SERINC5: variants seen among roughly 807,000 people sequenced by gnomAD.
SERINC5 encodes serine incorporator 5.
SERINC5 carries 41 observed loss-of-function variants against 63.1 expected under a neutral mutation model. That is an observed-to-expected ratio of 0.65 (90% confidence interval 0.51 to 0.84). The LOEUF (loss-of-function observed/expected upper bound fraction) is 0.84, where lower values mean the gene tolerates loss of function less well. SERINC5 is among the 40% of genes least tolerant of loss of function. SERINC5 has a pLI of 0.00. For missense variants in SERINC5, 523 were observed against 573.0 expected, an observed-to-expected ratio of 0.91 and a Z score of 0.89; for synonymous variants, 222 against 215.2, an observed-to-expected ratio of 1.03 and a Z score of -0.28.
At chr5:80,123,203 CT>C (rs1385896741) in intron 11 of SERINC5, among the ~76,000 whole-genome samples, 6 of 152,196 alleles carry the variant, frequency 3.9e-5, no homozygotes, top group Admixed American at 2.0e-4. Flanking sequence ...TCAAGCAGTT[CT>C]CCCACCTCAA....
At chr5:80,166,122 C>A (rs1206906082) in intron 7 of SERINC5, among the ~76,000 whole-genome samples, 1 of 152,154 alleles carries the variant, frequency 6.6e-6, no homozygotes, top group Non-Finnish European at 1.5e-5. Flanking sequence ...CAATTATACT[C>A]TTTTAGTTAT....
At chr5:80,128,992 C>T (rs1744843190) in intron 11 of SERINC5, 1 of 152,162 alleles carries the variant, frequency 6.6e-6, no homozygotes, top group Admixed American at 6.6e-5. Context: ...TTCCAAACTC[C>T]TTGGTTCAAG....
At chr5:80,186,261 C>G (rs763500919) in intron 2 of SERINC5, among the ~76,000 whole-genome samples, 5 of 151,900 alleles carry the variant, frequency 3.3e-5, no homozygotes, top group Non-Finnish European at 7.4e-5. Context: ...CTCAGCCTCC[C>G]GAGTAGCTGG....
intron 1 of SERINC5, among the ~76,000 whole-genome samples, chr5:80,228,596 C>T (rs1751281128): frequency 6.6e-6 from 1 of 152,128 alleles, no homozygotes; most frequent in South Asian, 2.1e-4. Context: ...CTTAGGACTA[C>T]AGGCACATGC....
At chr5:80,131,549 C>A (rs1186748007) in intron 11 of SERINC5, among the ~76,000 whole-genome samples, 3 of 150,320 alleles carry the variant, frequency 2.0e-5, no homozygotes, top group Non-Finnish European at 4.5e-5. Flanking sequence ...GAGGAGCATA[C>A]CTCCTGGATT....
intron 7 of SERINC5, among the ~76,000 whole-genome samples, chr5:80,164,042 TA>T (rs1183609132): frequency 8.5e-5 from 13 of 152,320 alleles, no homozygotes; most frequent in African/African-American, 2.6e-4. Context: ...ACTGATTCAA[TA>T]TCACTACTCA....
At chr5:80,186,151 AAAAAGAC>A (rs1748787017) in intron 2 of SERINC5, among the ~76,000 whole-genome samples, 1 of 145,802 alleles carries the variant, frequency 6.9e-6, no homozygotes. Context: ...AAAAAAAAAA[AAAAAGAC>A]AGAGTTTCAC....
At chr5:80,246,899 A>G (rs1752193876) in intron 1 of SERINC5, among the ~76,000 whole-genome samples, 1 of 152,230 alleles carries the variant, frequency 6.6e-6, no homozygotes, top group Non-Finnish European at 1.5e-5. Flanking sequence ...GGGATGCCTA[A>G]TATTTGGGAA....
chr5:80,254,177 G>C (rs1245120639), intron 1 of SERINC5, among the ~76,000 whole-genome samples: 2 of 152,170 alleles, frequency 1.3e-5, no homozygotes, highest in African/African-American at 2.4e-5. Context: ...GCCCGCCTCT[G>C]CCTCCCAAAG....
chr5:80,125,559 G>A (rs1360927132), intron 11 of SERINC5, among the ~76,000 whole-genome samples: 1 of 152,194 alleles, frequency 6.6e-6, no homozygotes, highest in Non-Finnish European at 1.5e-5. Context: ...ACAGAGACTA[G>A]ATATGAAGGA....
intron 1 of SERINC5, among the ~76,000 whole-genome samples, chr5:80,225,955 T>C (rs1337919682): frequency 6.6e-6 from 1 of 152,100 alleles, no homozygotes; most frequent in Non-Finnish European, 1.5e-5. Flanking sequence ...TTATAAGTAA[T>C]AGTTACCTAT....
chr5:80,205,975 CA>C (rs368524252), intron 1 of SERINC5, among the ~76,000 whole-genome samples: 3,299 of 74,290 alleles, frequency 0.044, 57 homozygotes, highest in African/African-American at 0.081. Flanking sequence ...TGGTGGTGCA[CA>C]AAAAAAAAAA....
rs1745534382 is a variant in SERINC5 at position 80,141,950 on chromosome 5, G to A, written c.*1713C>T. Reference sequence around the variant, plus strand: ...ATTTGTTTCCCCATGGGTTTTCTTGGGAGAAGGGCAAAGGAATGAATAGAA... The same window carrying A: ...ATTTGTTTCCCCATGGGTTTTCTTGAGAGAAGGGCAAAGGAATGAATAGAA... On this transcript the variant is annotated 3_prime_UTR_variant, in exon 12 of 12. Coordinates refer to ENST00000507668, the MANE Select transcript of SERINC5 (RefSeq NM_001174072.3). 1.0e-6 allele frequency: 1 copy of A among 985,220 alleles called. No individual in the cohort carries two copies. Among genetic ancestry groups the A allele is most frequent in the Non-Finnish European group, 1.2e-6 (1 of 829,916 alleles). The allele number at this position is 985,220 out of a possible 1,614,324, so 61.0% of individuals were successfully genotyped here.
chr5:80,209,818 T>C (rs1015961331), intron 1 of SERINC5, among the ~76,000 whole-genome samples: 1 of 152,054 alleles, frequency 6.6e-6, no homozygotes, highest in African/African-American at 2.4e-5. Context: ...CAGCACTGGG[T>C]AGGCGGATCA....
chr5:80,244,817 G>A (rs1488221296), intron 1 of SERINC5, among the ~76,000 whole-genome samples: 6 of 151,942 alleles, frequency 3.9e-5, no homozygotes, highest in Non-Finnish European at 8.8e-5. Flanking sequence ...GCGAGACTCC[G>A]TCTCAAAAAA....
intron 8 of SERINC5, among the ~76,000 whole-genome samples, chr5:80,154,210 ACT>A (rs1163428469): frequency 6.7e-6 from 1 of 150,020 alleles, no homozygotes; most frequent in East Asian, 2.0e-4. Context: ...ATGGAGTTTC[ACT>A]CTTTTTGCCC....
Position 80,229,021 on chromosome 5 carries a change from C to CTTT in SERINC5, c.28-25971_28-25969dup, listed in dbSNP as rs1166636996. 2.9e-4 allele frequency among the ~76,000 whole-genome samples: 25 copies of CTTT among 86,082 alleles called. 2 individuals are homozygous for CTTT. Among genetic ancestry groups the CTTT allele is most frequent in the East Asian group, 1.9e-3 (5 of 2,678 alleles). 56.5% of individuals were successfully genotyped at this position (86,082 alleles called of 152,430 possible). Reference sequence around the variant, plus strand: ...AAAATACCACCAATGTTTTACATACCTTTTTTTTTTTTTTTTTTTTTTTTT... The same window carrying CTTT: ...AAAATACCACCAATGTTTTACATACCTTTTTTTTTTTTTTTTTTTTTTTTTTTT... On this transcript the variant is annotated intron_variant, in intron 1 of 11. Coordinates refer to ENST00000507668, the MANE Select transcript of SERINC5 (RefSeq NM_001174072.3).
chr5:80,225,899 TGTGA>T (rs1181139301), intron 1 of SERINC5, among the ~76,000 whole-genome samples: 1 of 152,184 alleles, frequency 6.6e-6, no homozygotes. Flanking sequence ...AAATTAAAGA[TGTGA>T]GTGTCTTTGG....
At chr5:80,181,451 T>C (rs1271073233) in intron 2 of SERINC5, among the ~76,000 whole-genome samples, 1 of 140,530 alleles carries the variant, frequency 7.1e-6, no homozygotes, top group Non-Finnish European at 1.6e-5. Flanking sequence ...TGTGTACAGT[T>C]GGTGTTTCAC....
Sources: allele counts gnomAD v4.1 joint callset (sites outside exome capture counted in the v4.1 genomes callset), GRCh38; gene constraint gnomAD v4.1.1; transcripts MANE v1.5; gene names NCBI Gene and HGNC (gene_info 2026-07-23, HGNC 2026-07-21).